Variants in RBFOX1 observed in about 807,000 individuals in gnomAD.
RBFOX1 encodes the protein RNA binding protein fox-1 homolog 1.
A neutral mutation model predicts 57.7 loss-of-function variants in RBFOX1; 8 were observed. The ratio of observed to expected loss-of-function variants is 0.14; its 90% CI spans 0.08 to 0.25. RBFOX1 has a LOEUF of 0.25. Among genes scored for constraint, RBFOX1 ranks in the 10% least tolerant of loss-of-function variants. RBFOX1 has a pLI of 1.00. For missense variants in RBFOX1, 611 were observed against 548.5 expected (o/e 1.11, Z -1.14); for synonymous variants, 326 against 222.4 (o/e 1.47, Z -4.15).
At chr16:7,382,003 A>G (rs139531307) in intron 4 of RBFOX1, among the ~76,000 whole-genome samples, 5 of 152,170 alleles carry the variant, frequency 3.3e-5, no homozygotes, top group African/African-American at 7.2e-5. Flanking sequence ...CTTTTACGCG[A>G]TTGGATTCTT....
intron 2 of RBFOX1, among the ~76,000 whole-genome samples, chr16:6,398,958 A>C (rs2092953354): frequency 6.6e-6 from 1 of 152,228 alleles, no homozygotes; most frequent in Non-Finnish European, 1.5e-5. Flanking sequence ...ATTCTGCCCC[A>C]GTAGCAGACT....
chr16:7,575,879 C>A (rs945944776), intron 5 of RBFOX1, among the ~76,000 whole-genome samples: 2 of 152,172 alleles, frequency 1.3e-5, no homozygotes, highest in Non-Finnish European at 2.9e-5. Flanking sequence ...GCTCTGTCAT[C>A]TCCTGCTGCA....
Position 5,462,749 on chromosome 16 carries a change from C to T in RBFOX1, c.220-4467C>T, listed in dbSNP as rs545084995. On this transcript the variant is annotated intron_variant, in intron 1 of 2. Transcript: ENST00000585867. ...CACACTAAGGGCTCTGGACTGTGGT[C>T]CCCTGGGGACATTTGGCCTCTTCTG... Among the ~76,000 whole-genome samples, 18 of 152,208 alleles carry T rather than the reference C, an allele frequency of 1.2e-4. No individual in the cohort carries two copies. The South Asian group carries it at 3.5e-3, about 30-fold the overall frequency.
chr16:5,766,855 C>T (rs1457719696), intron 3 of RBFOX1, among the ~76,000 whole-genome samples: 1 of 152,234 alleles, frequency 6.6e-6, no homozygotes, highest in Admixed American at 6.5e-5. Flanking sequence ...CTTTATTTCC[C>T]TTAGCCTTTC....
chr16:5,458,764 C>T (rs564667630), intron 1 of RBFOX1, among the ~76,000 whole-genome samples: 1 of 152,362 alleles, frequency 6.6e-6, no homozygotes, highest in African/African-American at 2.4e-5. Flanking sequence ...CTATTCATCT[C>T]TGCCTTCATG....
chr16:5,490,070 G>C (rs780832780), intron 2 of RBFOX1, among the ~76,000 whole-genome samples: 2 of 152,230 alleles, frequency 1.3e-5, no homozygotes, highest in Admixed American at 6.5e-5. Flanking sequence ...GACCTGGTCT[G>C]AACCTGTCCT....
chr16:6,891,508 C>A (rs118128166), intron 3 of RBFOX1, among the ~76,000 whole-genome samples: 1,875 of 152,060 alleles, frequency 0.012, 21 homozygotes, highest in Non-Finnish European at 0.02. Flanking sequence ...GAAGATATAT[C>A]AGCTACATAA....
intron 3 of RBFOX1, among the ~76,000 whole-genome samples, chr16:6,977,357 C>T (rs1249688140): frequency 2.0e-5 from 3 of 151,926 alleles, no homozygotes; most frequent in Non-Finnish European, 4.4e-5. Context: ...TTAGGAATGC[C>T]TTTGTTCTCT....
intron 1 of RBFOX1, among the ~76,000 whole-genome samples, chr16:5,429,844 G>C (rs1264975012): frequency 6.6e-6 from 1 of 152,184 alleles, no homozygotes; most frequent in African/African-American, 2.4e-5. Flanking sequence ...TGTGCTAGGG[G>C]CTCCGGCTGT....
At chr16:5,607,499 G>A (rs2047627372) in intron 3 of RBFOX1, among the ~76,000 whole-genome samples, 1 of 152,156 alleles carries the variant, frequency 6.6e-6, no homozygotes, top group South Asian at 2.1e-4. Flanking sequence ...TGTGCCCCCT[G>A]GAGTCACGGT....
chr16:6,455,149 T>G (rs866754994), intron 2 of RBFOX1, among the ~76,000 whole-genome samples: 7 of 151,494 alleles, frequency 4.6e-5, no homozygotes, highest in African/African-American at 1.5e-4. Context: ...CGCCCTGGCC[T>G]CCCAAAGTGC....
At position 5,319,379 on chromosome 16, in the gene RBFOX1, G is replaced by A. The variant is rs553493517; in HGVS notation, c.219+79274G>A. Among the ~76,000 whole-genome samples, 53 of 152,274 alleles carry A rather than the reference G, an allele frequency of 3.5e-4. 1 individual carries two copies. The South Asian group carries it at 9.4e-3, about 27-fold the overall frequency. Reference sequence around the variant, plus strand: ...GCTCTGAATTTGTCTTTGGTTCACAGCCCTGTTCTAGTGGTCTCTGACTGT... The same window carrying A: ...GCTCTGAATTTGTCTTTGGTTCACAACCCTGTTCTAGTGGTCTCTGACTGT... On this transcript the variant is annotated intron_variant, in intron 1 of 2. Coordinates refer to the RBFOX1 transcript ENST00000585867.
intron 4 of RBFOX1, among the ~76,000 whole-genome samples, chr16:7,069,196 A>G (rs920154726): frequency 6.6e-6 from 1 of 152,046 alleles, no homozygotes; most frequent in African/African-American, 2.4e-5. Flanking sequence ...TTTATTTTTT[A>G]ATTATTGTTT....
At chr16:6,802,259 C>A (rs2085651088) in intron 3 of RBFOX1, among the ~76,000 whole-genome samples, 3 of 152,170 alleles carry the variant, frequency 2.0e-5, no homozygotes, top group African/African-American at 7.2e-5. Context: ...AGTGCCGAAA[C>A]AGTAGTTGTG....
intron 1 of RBFOX1, among the ~76,000 whole-genome samples, chr16:6,020,992 C>T (rs992421079): frequency 1.3e-5 from 2 of 152,132 alleles, no homozygotes; most frequent in African/African-American, 2.4e-5. Flanking sequence ...CTGTGTGGGC[C>T]AGAGCTGGGG....
chr16:7,572,927 G>C (rs1334914279), intron 5 of RBFOX1, among the ~76,000 whole-genome samples: 1 of 152,064 alleles, frequency 6.6e-6, no homozygotes, highest in Non-Finnish European at 1.5e-5. Context: ...GTGGTAGAGG[G>C]TTTCAGTGAA....
chr16:5,954,118 A>T (rs1220875478), intron 4 of RBFOX1, among the ~76,000 whole-genome samples: 2 of 152,096 alleles, frequency 1.3e-5, no homozygotes, highest in Non-Finnish European at 2.9e-5. Flanking sequence ...CGCAGTCCAA[A>T]CGTCAGTGGT....
chr16:6,006,504 T>C (rs1415288588), intron 4 of RBFOX1, among the ~76,000 whole-genome samples: 1 of 152,180 alleles, frequency 6.6e-6, no homozygotes, highest in Non-Finnish European at 1.5e-5. Context: ...ACGTGGACCA[T>C]GACACAGAAG....
chr16:6,759,473 C>CTCTCTG (rs758046729), intron 3 of RBFOX1, among the ~76,000 whole-genome samples: 29 of 143,188 alleles, frequency 2.0e-4, no homozygotes, highest in Admixed American at 7.6e-4. Context: ...TGTCAGTTGT[C>CTCTCTG]TGTGTGTGTG....
Sources: gnomAD v4.1 joint callset for allele counts (sites outside exome capture counted in the v4.1 genomes callset) on GRCh38, gnomAD v4.1.1 for gene constraint, MANE v1.5 for transcripts, NCBI Gene and HGNC (gene_info 2026-07-23, HGNC 2026-07-21) for gene names.